The following JAZF1 variants were observed in gnomAD, a reference collection of about 807,000 sequenced individuals.
The protein encoded by JAZF1 is JAZF zinc finger 1.
In JAZF1, 8 loss-of-function variants were observed where a neutral mutation model predicts 26.4. That is an observed-to-expected ratio of 0.30 (90% CI 0.18 to 0.55). JAZF1 has a LOEUF of 0.55. Ranked by LOEUF, JAZF1 falls within the 20% of genes least tolerant of loss-of-function variation. The pLI is 0.94. For synonymous variants in JAZF1, 126 were observed against 122.3 expected (o/e 1.03, Z -0.20); for missense variants, 199 against 322.0 (o/e 0.62, Z 2.92).
rs554160350 is a variant in JAZF1, at chr7:28,172,382, A to G, written c.115+8081T>C. 2.6e-5 allele frequency among the ~76,000 whole-genome samples: 4 copies of G among 152,286 alleles called. No homozygotes were observed. The East Asian group carries it at 7.7e-4, about 29-fold the overall frequency. ...AGCCATAAAAATCCAGGACATTTCAAGTTTTCTCGTGCAATGACTAACTTT... is the reference window on the plus strand; with the variant it reads ...AGCCATAAAAATCCAGGACATTTCAGGTTTTCTCGTGCAATGACTAACTTT... On this transcript the variant is annotated intron_variant, in intron 1 of 4. Transcript: ENST00000283928.
chr7:27,958,438 A>T (rs1379053946), intron 2 of JAZF1, among the ~76,000 whole-genome samples: 1 of 152,238 alleles, frequency 6.6e-6, no homozygotes, highest in Non-Finnish European at 1.5e-5. Flanking sequence ...TAACAGAGCT[A>T]CAGGACTCAA....
chr7:27,977,966 G>T (rs927378760), intron 2 of JAZF1, among the ~76,000 whole-genome samples: 8 of 152,118 alleles, frequency 5.3e-5, no homozygotes, highest in Non-Finnish European at 7.4e-5. Context: ...CCATTATGTT[G>T]TACATTTGTC....
intron 1 of JAZF1, among the ~76,000 whole-genome samples, chr7:28,156,237 A>C (rs762497090): frequency 6.6e-6 from 1 of 152,184 alleles, no homozygotes; most frequent in Non-Finnish European, 1.5e-5. Flanking sequence ...TCAGAATCTG[A>C]AAGTCACTGG....
rs141782340 is a variant in JAZF1 at position 28,134,953 on chromosome 7, T to A, written c.115+45510A>T. Among the ~76,000 whole-genome samples, 4 of 152,344 alleles carry A rather than the reference T, an allele frequency of 2.6e-5. No individual in the cohort carries two copies. In the East Asian group the frequency reaches 7.7e-4, roughly 29 times the overall value. On this transcript the variant is annotated intron_variant, in intron 1 of 4. Transcript: ENST00000283928. ...TAGAATTGTGCTTTATATATACACG[T>A]GCTCAACAGACCCCAAATGAATGCA...
intron 1 of JAZF1, among the ~76,000 whole-genome samples, chr7:28,115,277 T>C (rs1784725027): frequency 6.6e-6 from 1 of 152,224 alleles, no homozygotes; most frequent in Admixed American, 6.5e-5. Context: ...AATAATATGG[T>C]TTAACCCCTC....
At chr7:27,934,298 C>T (rs1784730040) in intron 2 of JAZF1, among the ~76,000 whole-genome samples, 1 of 152,092 alleles carries the variant, frequency 6.6e-6, no homozygotes, top group Non-Finnish European at 1.5e-5. Context: ...AGGCTTTTCT[C>T]TAGTAAATTA....
At chr7:27,978,956 A>G (rs1471578373) in intron 2 of JAZF1, among the ~76,000 whole-genome samples, 2 of 151,936 alleles carry the variant, frequency 1.3e-5, no homozygotes, top group Non-Finnish European at 2.9e-5. Flanking sequence ...GAGTGAGTGC[A>G]TGTGAAACTG....
chr7:27,910,878 C>G (rs1214874804), intron 2 of JAZF1, among the ~76,000 whole-genome samples: 1 of 152,160 alleles, frequency 6.6e-6, no homozygotes. Context: ...CAAGTATCCA[C>G]TGAAGCAATG....
At chr7:27,984,876 G>C (rs1330842855) in intron 2 of JAZF1, among the ~76,000 whole-genome samples, 1 of 152,102 alleles carries the variant, frequency 6.6e-6, no homozygotes, top group Non-Finnish European at 1.5e-5. Flanking sequence ...CAAAATGAAG[G>C]CAGAAATAAA....
intron 1 of JAZF1, among the ~76,000 whole-genome samples, chr7:28,052,461 C>A (rs1426484456): frequency 6.6e-6 from 1 of 152,114 alleles, no homozygotes; most frequent in Non-Finnish European, 1.5e-5. Flanking sequence ...TCCCTATTGA[C>A]CCCATCATTT....
At chr7:28,083,625 A>C (rs1370527544) in intron 1 of JAZF1, among the ~76,000 whole-genome samples, 1 of 152,104 alleles carries the variant, frequency 6.6e-6, no homozygotes, top group Non-Finnish European at 1.5e-5. Flanking sequence ...GTATTATTTT[A>C]TATTTTTCAA....
intron 1 of JAZF1, among the ~76,000 whole-genome samples, chr7:28,019,369 C>A (rs1782959125): frequency 6.6e-6 from 1 of 152,112 alleles, no homozygotes; most frequent in Non-Finnish European, 1.5e-5. Flanking sequence ...GCAACCTCTG[C>A]CGGCTTGGAT....
intron 1 of JAZF1, among the ~76,000 whole-genome samples, chr7:28,010,053 C>A (rs1174861050): frequency 6.6e-6 from 1 of 152,192 alleles, no homozygotes; most frequent in East Asian, 1.9e-4. Flanking sequence ...GCCCCCTACA[C>A]TCCAGCAACT....
At chr7:27,937,165 A>G (rs764879818) in intron 2 of JAZF1, among the ~76,000 whole-genome samples, 3 of 152,216 alleles carry the variant, frequency 2.0e-5, no homozygotes, top group Non-Finnish European at 4.4e-5. Context: ...TATATCTTAC[A>G]AACCAAAGAG....
At chr7:27,835,592 C>A (rs1031916305) in intron 4 of JAZF1, among the ~76,000 whole-genome samples, 10 of 152,198 alleles carry the variant, frequency 6.6e-5, no homozygotes, top group Non-Finnish European at 1.5e-4. Context: ...GCCATCACTC[C>A]TTTGTCTTTG....
In JAZF1 at chr7:27,832,780, GCA is replaced by G. The variant is rs1396565130; in HGVS notation, c.*18_*19del. 4 of 1,457,990 alleles carry G rather than the reference GCA, an allele frequency of 2.7e-6. No individual in the cohort carries two copies. In the African/African-American group the frequency reaches 4.3e-5, roughly 16 times the overall value. 90.3% of individuals were successfully genotyped at this position (1,457,990 alleles called of 1,614,324 possible). On this transcript the variant is annotated 3_prime_UTR_variant, in exon 5 of 5. Transcript: ENST00000283928. ...AGCAACTGCTGGTGAGGATTTCTTG[GCA>G]CAGTTATGACCAGCATGTTATTGCT...
chr7:28,141,270 CA>C (rs1238313506), intron 1 of JAZF1, among the ~76,000 whole-genome samples: 15 of 152,180 alleles, frequency 9.9e-5, no homozygotes, highest in Non-Finnish European at 1.9e-4. Context: ...GAAAGCCTGA[CA>C]ACCAGAACAG....
At chr7:28,047,529 G>A (rs531549812) in intron 1 of JAZF1, among the ~76,000 whole-genome samples, 15 of 152,100 alleles carry the variant, frequency 9.9e-5, no homozygotes, top group South Asian at 6.2e-4. Flanking sequence ...TCTCATAGAC[G>A]TTTTTTGTTA....
At chr7:27,985,591 T>C (rs184180332) in intron 2 of JAZF1, among the ~76,000 whole-genome samples, 1 of 152,200 alleles carries the variant, frequency 6.6e-6, no homozygotes, top group Non-Finnish European at 1.5e-5. Context: ...GAATCCTCCC[T>C]AATTCATTTT....
Sources: gnomAD v4.1 joint callset for allele counts (sites outside exome capture counted in the v4.1 genomes callset) on GRCh38, gnomAD v4.1.1 for gene constraint, MANE v1.5 for transcripts, NCBI Gene and HGNC (gene_info 2026-07-23, HGNC 2026-07-21) for gene names.